GALC: variants seen among roughly 807,000 people sequenced by gnomAD.
GALC encodes galactocerebrosidase.
GALC carries 77 observed loss-of-function variants against 91.8 expected under a neutral mutation model. The observed-to-expected ratio is 0.84, with a 90% CI of 0.70 to 1.01. GALC has a LOEUF of 1.01. Ranked by LOEUF, GALC falls within the 50% of genes least tolerant of loss-of-function variation. GALC has a pLI of 0.00. For synonymous variants in GALC, 357 were observed against 306.7 expected (o/e 1.16, Z -1.71); for missense variants, 882 against 855.9 (o/e 1.03, Z -0.38).
chr14:87,963,844 C>T (rs1032995335), intron 9 of GALC, among the ~76,000 whole-genome samples: 5 of 151,544 alleles, frequency 3.3e-5, no homozygotes, highest in African/African-American at 9.7e-5. Flanking sequence ...AAATAGCTAC[C>T]AAAAAAAGGT....
At chr14:87,941,649 C>T (rs1884860762) in intron 14 of GALC, 91 bp from the exon 15 acceptor site, 4 of 922,424 alleles carry the variant, frequency 4.3e-6, no homozygotes, top group Non-Finnish European at 7.2e-6. Context: ...TGCTTCCAAA[C>T]TTCTAATTGA....
chr14:87,966,949 G>A (rs1261808133), intron 8 of GALC, among the ~76,000 whole-genome samples: 1 of 152,094 alleles, frequency 6.6e-6, no homozygotes, highest in African/African-American at 2.4e-5. Context: ...TGTGGCATCA[G>A]AATCACTTGA....
chr14:87,973,546 G>A (rs1886379088), intron 7 of GALC, among the ~76,000 whole-genome samples: 1 of 152,162 alleles, frequency 6.6e-6, no homozygotes, highest in Admixed American at 6.5e-5. Flanking sequence ...TTAAGTTCAT[G>A]TAAGAGTACA....
intron 14 of GALC, among the ~76,000 whole-genome samples, chr14:87,943,817 T>C (rs1164211584): frequency 1.3e-5 from 2 of 148,550 alleles, no homozygotes; most frequent in Admixed American, 6.7e-5. Flanking sequence ...TGAGCAGATC[T>C]GGCTGCCTCA....
At chr14:87,953,594 TAA>T (rs1566979492) in intron 10 of GALC, 2 of 1,609,568 alleles carry the variant, frequency 1.2e-6, no homozygotes, top group Non-Finnish European at 1.7e-6. Flanking sequence ...TGTTCCCAAC[TAA>T]ACACCTTCCA....
chr14:87,955,283 T>G (rs1306346950), intron 10 of GALC: 7 of 685,846 alleles, frequency 1.0e-5, no homozygotes, highest in Admixed American at 5.3e-5. Context: ...AACGATAGGG[T>G]TTTTGCTTTG....
In GALC at chr14:87,976,352, C is replaced by A; in HGVS notation, c.752+6G>T. 2 of 1,613,800 alleles carry A rather than the reference C, an allele frequency of 1.2e-6. No homozygotes were observed. The highest frequency in any genetic ancestry group is 2.2e-5 in the East Asian group (1 of 44,856). On this transcript the variant is annotated splice_donor_region_variant and intron_variant, in intron 7 of 16. Coordinates refer to ENST00000261304, the MANE Select transcript of GALC (RefSeq NM_000153.4). The stretch of plus-strand genomic sequence containing the variant: ...CTGCTAGTTTTCCAAGTAAAACATG[C>A]CTTACCCTATAACATCAACCACCTT...
At chr14:87,954,173 C>A in intron 10 of GALC, 1 of 1,591,790 alleles carries the variant, frequency 6.3e-7, no homozygotes, top group Non-Finnish European at 8.6e-7. Flanking sequence ...CACAGGTGTC[C>A]TCAAAACATT....
intron 1 of GALC, among the ~76,000 whole-genome samples, chr14:87,989,969 A>T (rs1887130584): frequency 6.6e-6 from 1 of 152,104 alleles, no homozygotes; most frequent in African/African-American, 2.4e-5. Flanking sequence ...TTCTATTCTT[A>T]TGCCTGGAAT....
intron 10 of GALC, among the ~76,000 whole-genome samples, chr14:87,956,395 C>T (rs376966301): frequency 6.6e-5 from 10 of 151,840 alleles, no homozygotes; most frequent in Admixed American, 2.0e-4. Flanking sequence ...ATATTATATA[C>T]GAGTTGCTAC....
chr14:87,937,805 A>T (rs1327467860), intron 16 of GALC, among the ~76,000 whole-genome samples: 1 of 151,926 alleles, frequency 6.6e-6, no homozygotes, highest in African/African-American at 2.4e-5. Flanking sequence ...AAAATTACTA[A>T]AACAAACCTA....
chr14:87,965,636 G>T lies in GALC; in HGVS notation c.909-7C>A. The stretch of plus-strand genomic sequence containing the variant: ...TAAATTCCATGCGATTGTGCTAAAA[G>T]ATTTGATAAAAAAGAAACACCAAGA... On this transcript the variant is annotated splice_polypyrimidine_tract_variant and splice_region_variant and intron_variant, in intron 8 of 16. Coordinates refer to ENST00000261304, the MANE Select transcript of GALC (RefSeq NM_000153.4). 6.2e-7 allele frequency: 1 copy of T among 1,612,758 alleles called. No individual in the cohort carries two copies. Among genetic ancestry groups the T allele is most frequent in the Non-Finnish European group, 8.5e-7 (1 of 1,179,174 alleles).
chr14:87,993,190 C>T, upstream of GALC: 3 of 1,568,722 alleles, frequency 1.9e-6, no homozygotes, highest in South Asian at 1.2e-5. Flanking sequence ...ACTCCGGCGC[C>T]CAGGGAGGCG....
intron 6 of GALC, 133 bp downstream of exon 6, chr14:87,982,072 A>G: frequency 1.9e-6 from 1 of 526,038 alleles, no homozygotes; most frequent in Admixed American, 3.7e-5. Context: ...TGTCACAACC[A>G]GCAAAATAAA....
At position 87,947,825 on chromosome 14, in the gene GALC, G is replaced by T. The variant is rs1313792705; in HGVS notation, c.1392C>A (p.Phe464Leu). The T allele has an allele frequency of 6.2e-7, 1 of 1,612,676 alleles. No individual in the cohort carries two copies. The highest frequency in any genetic ancestry group is 1.7e-5 in the Admixed American group (1 of 59,868). Residue 464 changes from phenylalanine to leucine, a missense_variant, in exon 13 of 17, where the codon TTC becomes TTA. By Grantham distance (22) the Phe-to-Leu change is conservative (BLOSUM62 0). Coordinates refer to ENST00000261304, the MANE Select transcript of GALC (RefSeq NM_000153.4). ...GACCAGTGGTGAGAGTGGTGAGTGTGAACAGCTCATCTTCATGCAGGCTCA... is the reference window on the plus strand; with the variant it reads ...GACCAGTGGTGAGAGTGGTGAGTGTTAACAGCTCATCTTCATGCAGGCTCA... ...FTLSLHEDELFTLTTLTTGRK... is the reference protein window; with the variant it reads ...FTLSLHEDELLTLTTLTTGRK...
chr14:87,977,242 G>C (rs1431009543), intron 6 of GALC, among the ~76,000 whole-genome samples: 1 of 152,036 alleles, frequency 6.6e-6, no homozygotes, highest in Non-Finnish European at 1.5e-5. Flanking sequence ...TTAAACAGGA[G>C]AGCAAATAAA....
intron 10 of GALC, among the ~76,000 whole-genome samples, chr14:87,961,751 C>G (rs1275995880): frequency 6.6e-4 from 100 of 152,112 alleles, no homozygotes; most frequent in Non-Finnish European, 2.9e-5. Context: ...CTCTAAGAGC[C>G]TGCAGATGAG....
intron 6 of GALC, among the ~76,000 whole-genome samples, chr14:87,977,924 G>C (rs925281509): frequency 6.6e-6 from 1 of 152,082 alleles, no homozygotes; most frequent in Non-Finnish European, 1.5e-5. Flanking sequence ...TTGAGTTCTA[G>C]GACACCCTAG....
chr14:87,977,039 G>T (rs1405719508), intron 6 of GALC, among the ~76,000 whole-genome samples: 4 of 143,834 alleles, frequency 2.8e-5, no homozygotes, highest in East Asian at 2.1e-4. Context: ...ATATGGGGGG[G>T]GGGGGATGAA....
Sources: gnomAD v4.1 joint callset for allele counts (sites outside exome capture counted in the v4.1 genomes callset) on GRCh38, gnomAD v4.1.1 for gene constraint, MANE v1.5 for transcripts, NCBI Gene and HGNC (gene_info 2026-07-23, HGNC 2026-07-21) for gene names.